XKR9: variants seen among roughly 807,000 people sequenced by gnomAD.
XKR9 encodes the protein XK-related protein 9.
In XKR9, 32 loss-of-function variants were observed where a neutral mutation model predicts 32.0. The ratio of observed to expected loss-of-function variants is 1.00; its 90% CI spans 0.76 to 1.34. XKR9 has a LOEUF of 1.34. Ranked by LOEUF, XKR9 falls within the 40% of genes most tolerant of loss-of-function variation. The pLI is 0.00. For missense variants in XKR9, 546 were observed against 429.7 expected, an observed-to-expected ratio of 1.27 and a Z score of -2.39; for synonymous variants, 168 against 143.4, an observed-to-expected ratio of 1.17 and a Z score of -1.22.
At chr8:70,875,544 A>ATTGTGTGG in the XKR9 span, among the ~76,000 whole-genome samples, 1 of 152,170 alleles carries the variant, frequency 6.6e-6, no homozygotes, top group Non-Finnish European at 1.5e-5. Flanking sequence ...GCTTCATTCA[A>ATTGTGTGG]TTGTGTGGTT....
the XKR9 span, among the ~76,000 whole-genome samples, chr8:70,815,815 GCACCCGGCC>G: frequency 1.3e-5 from 2 of 152,068 alleles, no homozygotes; most frequent in African/African-American, 2.4e-5. Flanking sequence ...GTGAGCTACT[GCACCCGGCC>G]CTCATTCTTT....
chr8:70,775,553 T>C (rs1222384384), intron 2 of XKR9, among the ~76,000 whole-genome samples: 1 of 152,200 alleles, frequency 6.6e-6, no homozygotes, highest in Non-Finnish European at 1.5e-5. Flanking sequence ...TCTGCATTTA[T>C]TGAGATGCTC....
chr8:70,937,646 C>A, the XKR9 span, among the ~76,000 whole-genome samples: 6 of 152,042 alleles, frequency 3.9e-5, no homozygotes, highest in African/African-American at 1.4e-4. Context: ...AGATTTCCAG[C>A]GGTCTCCTGA....
the XKR9 span, among the ~76,000 whole-genome samples, chr8:71,004,889 T>C: frequency 6.6e-6 from 1 of 151,882 alleles, no homozygotes; most frequent in African/African-American, 2.4e-5. Context: ...TGGACTGCAG[T>C]GGTGATGTGA....
the XKR9 span, among the ~76,000 whole-genome samples, chr8:71,028,394 T>C: frequency 2.0e-5 from 3 of 152,174 alleles, no homozygotes; most frequent in African/African-American, 7.2e-5. Flanking sequence ...ATGCTACTGA[T>C]CCATGATCTT....
intron 2 of XKR9, among the ~76,000 whole-genome samples, chr8:70,766,938 G>A (rs1270598914): frequency 6.6e-6 from 1 of 152,144 alleles, no homozygotes; most frequent in Non-Finnish European, 1.5e-5. Flanking sequence ...TGCATCCCAC[G>A]GATGAAACCA....
At chr8:70,868,467 G>A in the XKR9 span, among the ~76,000 whole-genome samples, 2 of 152,134 alleles carry the variant, frequency 1.3e-5, no homozygotes, top group African/African-American at 4.8e-5. Flanking sequence ...AAGCTGCCAA[G>A]GTTTGGGGCT....
intron 2 of XKR9, among the ~76,000 whole-genome samples, chr8:70,741,300 T>C (rs535460381): frequency 5.3e-5 from 8 of 152,220 alleles, no homozygotes; most frequent in South Asian, 2.1e-4. Context: ...GCTAGCACAC[T>C]CTTGCTGTCA....
the XKR9 span, among the ~76,000 whole-genome samples, chr8:70,952,335 C>T: frequency 1.3e-5 from 2 of 152,100 alleles, no homozygotes; most frequent in African/African-American, 2.4e-5. Context: ...AATTCTGTCC[C>T]CCATGAAACA....
intron 2 of XKR9, among the ~76,000 whole-genome samples, chr8:70,778,127 TG>T (rs1586894749): frequency 1.3e-5 from 2 of 152,220 alleles, no homozygotes; most frequent in Non-Finnish European, 2.9e-5. Context: ...AGTTAATTTT[TG>T]TATAAGGTGT....
chr8:70,713,889 A>T (rs942673259), intron 4 of XKR9, among the ~76,000 whole-genome samples: 2 of 152,172 alleles, frequency 1.3e-5, no homozygotes, highest in African/African-American at 4.8e-5. Flanking sequence ...GGCCATACAG[A>T]ATACTACAGA....
At chr8:70,804,206 G>A in the XKR9 span, among the ~76,000 whole-genome samples, 1 of 152,232 alleles carries the variant, frequency 6.6e-6, no homozygotes, top group Non-Finnish European at 1.5e-5. Context: ...TCTAGCAGTT[G>A]TCATCTGTCT....
chr8:70,962,916 A>G, the XKR9 span, among the ~76,000 whole-genome samples: 1 of 152,226 alleles, frequency 6.6e-6, no homozygotes, highest in African/African-American at 2.4e-5. Flanking sequence ...AGTAGGGTTC[A>G]AGATTTAAAA....
chr8:70,912,982 C>A, the XKR9 span, among the ~76,000 whole-genome samples: 2 of 152,106 alleles, frequency 1.3e-5, no homozygotes, highest in Non-Finnish European at 2.9e-5. Flanking sequence ...CCAAATGATG[C>A]AGACTAGTGG....
chr8:70,698,015 G>A (rs1338543466), intron 3 of XKR9, among the ~76,000 whole-genome samples: 4 of 152,032 alleles, frequency 2.6e-5, no homozygotes, highest in African/African-American at 9.7e-5. Flanking sequence ...GTATTTCTGT[G>A]GGATCGGTGG....
chr8:71,008,631 A>G, the XKR9 span, among the ~76,000 whole-genome samples: 6 of 151,996 alleles, frequency 3.9e-5, no homozygotes, highest in Admixed American at 6.6e-5. Flanking sequence ...AATTTATTTT[A>G]TTTTTTTACT....
At chr8:70,935,101 G>GTA in the XKR9 span, among the ~76,000 whole-genome samples, 24,045 of 138,606 alleles carry the variant, frequency 0.17, 2,847 homozygotes, top group African/African-American at 0.35. Flanking sequence ...TGTTTCTTCA[G>GTA]TATATATATA....
chr8:70,918,567 G>C, the XKR9 span, among the ~76,000 whole-genome samples: 1 of 151,942 alleles, frequency 6.6e-6, no homozygotes, highest in African/African-American at 2.4e-5. Flanking sequence ...AAAGGTAACA[G>C]TATTAGTCTC....
intron 3 of XKR9, among the ~76,000 whole-genome samples, chr8:70,700,074 T>C (rs537781120): frequency 6.6e-6 from 1 of 152,324 alleles, no homozygotes; most frequent in African/African-American, 2.4e-5. Context: ...ATTCTAGTTA[T>C]ACATTTGTCT....
Sources: gnomAD v4.1 joint callset for allele counts (sites outside exome capture counted in the v4.1 genomes callset) on GRCh38, gnomAD v4.1.1 for gene constraint, MANE v1.5 for transcripts, NCBI Gene and HGNC (gene_info 2026-07-23, HGNC 2026-07-21) for gene names.